Variants in PCDH17 observed in about 807,000 individuals in gnomAD.
The protein encoded by PCDH17 is protocadherin 17.
In PCDH17, 21 loss-of-function variants were observed where a neutral mutation model predicts 67.7. The ratio of observed to expected loss-of-function variants is 0.31; its 90% CI spans 0.22 to 0.45. PCDH17 has a LOEUF of 0.45. Ranked by LOEUF, PCDH17 falls within the 20% of genes least tolerant of loss-of-function variation. The pLI, the probability that PCDH17 is intolerant of heterozygous loss-of-function variation, is 1.00. For synonymous variants in PCDH17, 701 were observed against 656.7 expected, an observed-to-expected ratio of 1.07 and a Z score of -1.03; for missense variants, 1,471 against 1,564.8, an observed-to-expected ratio of 0.94 and a Z score of 1.01.
intron 1 of PCDH17, among the ~76,000 whole-genome samples, chr13:57,648,758 A>G (rs779850538): frequency 8.6e-5 from 13 of 151,994 alleles, no homozygotes; most frequent in Non-Finnish European, 1.8e-4. Context: ...TACAACATTC[A>G]ATTACACTAA....
chr13:57,709,147 A>G (rs1348214405), intron 3 of PCDH17, among the ~76,000 whole-genome samples: 1 of 151,336 alleles, frequency 6.6e-6, no homozygotes, highest in Non-Finnish European at 1.5e-5. Context: ...AAGTCAGTAC[A>G]TTCTTAAATT....
chr13:57,664,473 G>A (rs1366163185), intron 1 of PCDH17, among the ~76,000 whole-genome samples: 1 of 152,084 alleles, frequency 6.6e-6, no homozygotes, highest in African/African-American at 2.4e-5. Context: ...TCTAGATACT[G>A]TTCCTATCAG....
chr13:57,648,356 T>C (rs1593899252), intron 1 of PCDH17, among the ~76,000 whole-genome samples: 2 of 152,098 alleles, frequency 1.3e-5, no homozygotes, highest in African/African-American at 2.4e-5. Flanking sequence ...AATTCAATCA[T>C]TAGGTTTCAT....
At position 57,632,566 on chromosome 13, in the gene PCDH17, G is replaced by A; in HGVS notation, c.20G>A (p.Cys7Tyr). 1 of 1,613,742 alleles carries A rather than the reference G, an allele frequency of 6.2e-7. No individual in the cohort carries two copies. Among genetic ancestry groups the A allele is most frequent in the Non-Finnish European group, 8.5e-7 (1 of 1,179,838 alleles). The stretch of plus-strand genomic sequence containing the variant: ...TCTGGGATGTACCTTTCCATCTGTT[G>A]CTGCTTTCTTCTATGGGCCCCTGCC... The part of the protein sequence containing the change: MYLSIC[C>Y]CFLLWAPALT... The change falls in exon 1 of 4, where the codon TGC (cysteine) becomes TAC (tyrosine). Residue 7 changes from cysteine to tyrosine, a missense_variant. Cys to Tyr is a radical substitution (Grantham distance 194). Coordinates refer to ENST00000377918, the MANE Select transcript of PCDH17 (RefSeq NM_001040429.3).
At position 57,633,050 on chromosome 13, in the gene PCDH17, C is replaced by A. The variant is rs369103931; in HGVS notation, c.504C>A (p.Thr168=). Residue 168 remains threonine, a synonymous_variant, in exon 1 of 4, where the codon ACC becomes ACA. Transcript: ENST00000377918. The surrounding 1 kb of genome is among the most constrained non-coding windows in gnomAD (Gnocchi z 6.2). ...ACGCCGGCGAGAATGGGCTCCGCACCTACCTGCTCACGCGCGACGATCACG... is the reference window on the plus strand; with the variant it reads ...ACGCCGGCGAGAATGGGCTCCGCACATACCTGCTCACGCGCGACGATCACG... ...DPDAGENGLR[T]YLLTRDDHGL... 1.9e-6 allele frequency: 3 copies of A among 1,613,040 alleles called. No homozygotes were observed. The African/African-American group carries it at 4.0e-5, about 22-fold the overall frequency.
intron 1 of PCDH17, among the ~76,000 whole-genome samples, chr13:57,655,068 A>T (rs1474879972): frequency 6.6e-6 from 1 of 151,926 alleles, no homozygotes; most frequent in Non-Finnish European, 1.5e-5. Flanking sequence ...CTTGTTGTTT[A>T]TAGTCATAAA....
At chr13:57,707,334 CGTGTGTGTGTGTGTGTGT>C (rs56840875) in intron 3 of PCDH17, among the ~76,000 whole-genome samples, 3 of 145,714 alleles carry the variant, frequency 2.1e-5, no homozygotes, top group African/African-American at 5.1e-5. Context: ...GATATATGAC[CGTGTGTGTGTGTGTGTGT>C]GTGTGTGTGT....
At chr13:57,696,026 A>G (rs1013611660) in intron 3 of PCDH17, among the ~76,000 whole-genome samples, 3 of 151,400 alleles carry the variant, frequency 2.0e-5, no homozygotes, top group African/African-American at 7.2e-5. Flanking sequence ...AACTGTTAGC[A>G]GTGGTCTCTC....
At chr13:57,721,276 G>T (rs886138319) in intron 3 of PCDH17, among the ~76,000 whole-genome samples, 5 of 152,006 alleles carry the variant, frequency 3.3e-5, no homozygotes, top group African/African-American at 1.2e-4. Context: ...TAATATCTTG[G>T]CAATCCCAGA....
Position 57,640,931 on chromosome 13 carries a change from C to A in PCDH17, c.2565+5820C>A, listed in dbSNP as rs1954884224. ...ATTAGTCATTGCACTAGAATGTATT[C>A]CCCTCAGTGGTACTTCTGTTTAATA... On this transcript the variant is annotated intron_variant, in intron 1 of 3. Transcript: ENST00000377918. 1.3e-5 allele frequency among the ~76,000 whole-genome samples: 2 copies of A among 151,980 alleles called. 1 individual carries two copies. The highest frequency in any genetic ancestry group is 4.1e-4 in the South Asian group (2 of 4,830).
At chr13:57,712,006 G>A (rs2138090512) in intron 3 of PCDH17, among the ~76,000 whole-genome samples, 1 of 151,442 alleles carries the variant, frequency 6.6e-6, no homozygotes, top group South Asian at 2.1e-4. Flanking sequence ...TAAGAAAAAA[G>A]CCTAGATAGA....
intron 1 of PCDH17, among the ~76,000 whole-genome samples, chr13:57,648,156 G>A (rs1198558005): frequency 6.6e-6 from 1 of 151,772 alleles, no homozygotes; most frequent in Non-Finnish European, 1.5e-5. Context: ...AGTGTGGGAT[G>A]GTGATAGAAA....
intron 3 of PCDH17, among the ~76,000 whole-genome samples, chr13:57,672,162 G>C (rs1166731381): frequency 6.6e-6 from 1 of 151,984 alleles, no homozygotes; most frequent in East Asian, 1.9e-4. Flanking sequence ...GTTTGTTTTA[G>C]TGAATTCCAG....
At position 57,720,802 on chromosome 13, in the gene PCDH17, CT is replaced by C. The variant is rs760603836; in HGVS notation, c.2798-3806del. ...GCAGGTAAACTGCAAGTACTACAGT[CT>C]TTTGAGTTACTTCATCTGTTTTGCA... On this transcript the variant is annotated intron_variant, in intron 3 of 3. Coordinates refer to ENST00000377918, the MANE Select transcript of PCDH17 (RefSeq NM_001040429.3). Among the ~76,000 whole-genome samples, 137 of 152,114 alleles carry C rather than the reference CT, an allele frequency of 9.0e-4. 1 individual carries two copies. The highest frequency in any genetic ancestry group is 6.5e-4 in the Non-Finnish European group (44 of 67,948).
intron 3 of PCDH17, among the ~76,000 whole-genome samples, chr13:57,706,446 G>A (rs1465496858): frequency 1.3e-5 from 2 of 152,066 alleles, no homozygotes; most frequent in Non-Finnish European, 2.9e-5. Context: ...ATATTTTGAA[G>A]TTTCTTTTTC....
chr13:57,725,094 G>C lies in PCDH17; in HGVS notation c.3280G>C (p.Asp1094His), dbSNP rs750528870. Residue 1094 changes from aspartate to histidine, a missense_variant, in exon 4 of 4, where the codon GAT becomes CAT. By Grantham distance (81) the Asp-to-His change is moderately conservative. Around this residue, in one of 3 missense-constraint regions of PCDH17, gnomAD observed 297 missense variants for 298.6 expected, o/e 0.99. Coordinates refer to ENST00000377918, the MANE Select transcript of PCDH17 (RefSeq NM_001040429.3). The stretch of plus-strand genomic sequence containing the variant: ...AAGAGACCCTCCCTTCATGGCTTCC[G>C]ATCAGATGGCAAGGGTCTTTGCAGA... The part of the protein sequence containing the change: ...QPRDPPFMAS[D>H]QMARVFADVH... 2 of 1,614,096 alleles carry C rather than the reference G, an allele frequency of 1.2e-6. No individual in the cohort carries two copies. Among genetic ancestry groups the C allele is most frequent in the Non-Finnish European group, 1.7e-6 (2 of 1,180,012 alleles).
At chr13:57,664,441 A>T (rs113735966) in intron 1 of PCDH17, among the ~76,000 whole-genome samples, 25 of 152,316 alleles carry the variant, frequency 1.6e-4, no homozygotes, top group African/African-American at 5.3e-4. Context: ...AATGCTTAGA[A>T]CTTTAATAAT....
At chr13:57,654,527 T>C (rs897428901) in intron 1 of PCDH17, among the ~76,000 whole-genome samples, 5 of 152,102 alleles carry the variant, frequency 3.3e-5, no homozygotes, top group African/African-American at 1.2e-4. Flanking sequence ...ACCTATTGTC[T>C]CATGAAATGA....
At chr13:57,676,883 A>C (rs1955396695) in intron 3 of PCDH17, among the ~76,000 whole-genome samples, 1 of 151,946 alleles carries the variant, frequency 6.6e-6, no homozygotes, top group South Asian at 2.1e-4. Context: ...TATGATTCAC[A>C]AACTAGTCCT....
Sources: allele counts gnomAD v4.1 joint callset (sites outside exome capture counted in the v4.1 genomes callset), GRCh38; gene constraint gnomAD v4.1.1; regional missense constraint gnomAD v4.1.1; non-coding constraint Gnocchi (gnomAD v3.1); transcripts MANE v1.5; gene names NCBI Gene and HGNC (gene_info 2026-07-23, HGNC 2026-07-21).